CENPV: variants seen among roughly 807,000 people sequenced by gnomAD.
CENPV encodes the protein nuclear protein p30.
In CENPV, 15 loss-of-function variants were observed where a neutral mutation model predicts 26.4. The observed-to-expected ratio is 0.57, with a 90% CI of 0.38 to 0.88. The LOEUF (loss-of-function observed/expected upper bound fraction) is 0.88, where lower values mean the gene tolerates loss of function less well. Ranked by LOEUF, CENPV falls within the 40% of genes least tolerant of loss-of-function variation. The pLI, the probability that CENPV is intolerant of heterozygous loss-of-function variation, is 0.00. For synonymous variants in CENPV, 172 were observed against 165.5 expected (o/e 1.04, Z -0.30); for missense variants, 336 against 376.5 (o/e 0.89, Z 0.89).
intron 3 of CENPV, among the ~76,000 whole-genome samples, chr17:16,347,318 A>G (rs2093211312): frequency 6.6e-6 from 1 of 152,086 alleles, no homozygotes; most frequent in South Asian, 2.1e-4. Context: ...TGTGCTTCCT[A>G]TAGAAATAGC....
Position 16,348,654 on chromosome 17 carries a change from G to C in CENPV, c.541C>G (p.His181Asp). Residue 181 changes from histidine (H) to aspartate (D), a missense_variant, in exon 3 of 5, where the codon CAC (histidine) becomes GAC (aspartate). Physicochemically the swap from His to Asp is moderately conservative, Grantham distance 81. Coordinates refer to ENST00000299736, the MANE Select transcript of CENPV (RefSeq NM_181716.3). ...AAGCGAGAAGCTGGAACAATGAAGT[G>C]TCTATTCTGCTTCTTCTTGCAAATG... is the stretch of plus-strand genomic sequence containing the variant. The part of the protein sequence containing the change: ...CSICKKKQNR[H>D]FIVPASRFKL... 8 of 1,614,118 alleles carry C rather than the reference G, an allele frequency of 5.0e-6. No homozygotes were observed. The highest frequency in any genetic ancestry group is 6.8e-6 in the Non-Finnish European group (8 of 1,179,976).
chr17:16,349,594 C>T, intron 2 of CENPV: 1 of 1,051,782 alleles, frequency 9.5e-7, no homozygotes, highest in Non-Finnish European at 1.1e-6. Context: ...GAAGATTCTG[C>T]CCAAGGCTTT....
Position 16,349,923 on chromosome 17 carries a change from A to G in CENPV, c.509+8T>C. Reference sequence around the variant, plus strand: ...TTTAAGCCAATTTAGGGAAAAAAAAATACTCACTTGCAGTCAAATATATGC... The same window carrying G: ...TTTAAGCCAATTTAGGGAAAAAAAAGTACTCACTTGCAGTCAAATATATGC... On this transcript the variant is annotated splice_region_variant and intron_variant, in intron 2 of 4. Coordinates refer to ENST00000299736, the MANE Select transcript of CENPV (RefSeq NM_181716.3). 2.5e-6 allele frequency: 4 copies of G among 1,603,494 alleles called. No homozygotes were observed. Among genetic ancestry groups the G allele is most frequent in the East Asian group, 2.2e-5 (1 of 44,820 alleles).
At position 16,342,989 on chromosome 17, in the gene CENPV, A is replaced by T. The variant is rs749752838; in HGVS notation, c.695-48T>A. 6 of 1,610,558 alleles carry T rather than the reference A, an allele frequency of 3.7e-6. No homozygotes were observed. In the Admixed American group the frequency reaches 1.0e-4, roughly 27 times the overall value. The stretch of plus-strand genomic sequence containing the variant: ...AAGGGGGATCCTCAGTATGGGTGAG[A>T]CCAGATGGTGTACCGGCTCCTGGAT... On this transcript the variant is annotated intron_variant, in intron 4 of 4. Coordinates refer to ENST00000299736, the MANE Select transcript of CENPV (RefSeq NM_181716.3).
intron 2 of CENPV, chr17:16,349,494 C>G (rs1313353701): frequency 2.0e-6 from 2 of 986,910 alleles, no homozygotes; most frequent in Non-Finnish European, 2.4e-6. Flanking sequence ...AACCGAAGAG[C>G]AGAGCGAGAG....
Position 16,342,581 on chromosome 17 carries a change from A to C in CENPV, c.*236T>G. ...ATTTTTTTTCCTAAAAGATCACACAAAAGTTGGGAAGAGAAGGATGTCAAT... is the reference window on the plus strand; with the variant it reads ...ATTTTTTTTCCTAAAAGATCACACACAAGTTGGGAAGAGAAGGATGTCAAT... On this transcript the variant is annotated 3_prime_UTR_variant, in exon 5 of 5. Coordinates refer to ENST00000299736, the MANE Select transcript of CENPV (RefSeq NM_181716.3). 1.9e-6 allele frequency: 1 copy of C among 531,824 alleles called. No homozygotes were observed. The highest frequency in any genetic ancestry group is 2.9e-5 in the East Asian group (1 of 34,322). 32.9% of individuals were successfully genotyped at this position (531,824 alleles called of 1,614,324 possible). A position where few individuals can be genotyped will look rare whatever the true frequency, so the allele number is the denominator to read the frequency against.
At position 16,348,689 on chromosome 17, in the gene CENPV, C is replaced by T; in HGVS notation, c.510-4G>A. ...CTTCTTCTTGCAAATGCTGCAACTACAGAAAGACAGAGCAAATTCCAGATT... is the reference window on the plus strand; with the variant it reads ...CTTCTTCTTGCAAATGCTGCAACTATAGAAAGACAGAGCAAATTCCAGATT... On this transcript the variant is annotated splice_region_variant and splice_polypyrimidine_tract_variant and intron_variant, in intron 2 of 4. Transcript: ENST00000299736. 3 of 1,613,860 alleles carry T rather than the reference C, an allele frequency of 1.9e-6. No individual in the cohort carries two copies. The highest frequency in any genetic ancestry group is 2.5e-6 in the Non-Finnish European group (3 of 1,179,812).
chr17:16,353,243 C>A lies in CENPV; in HGVS notation c.194G>T (p.Arg65Leu), dbSNP rs765007395. 5.7e-6 allele frequency: 8 copies of A among 1,402,484 alleles called. No homozygotes were observed. In the South Asian group the frequency reaches 1.1e-4, roughly 19 times the overall value. 86.9% of individuals were successfully genotyped at this position (1,402,484 alleles called of 1,614,324 possible). A position where few individuals can be genotyped will look rare whatever the true frequency, so the allele number is the denominator to read the frequency against. The change falls in exon 1 of 5, where the codon CGC becomes CTC. Residue 65 changes from arginine to leucine, a missense_variant. Physicochemically the swap from Arg to Leu is moderately radical, Grantham distance 102. Around this residue, in one of 2 missense-constraint regions of CENPV, gnomAD observed 181 missense variants for 148.8 expected, o/e 1.22. Coordinates refer to ENST00000299736, the MANE Select transcript of CENPV (RefSeq NM_181716.3). ...KPPSEKPRLR[R>L]SSPRAQEEGP... is the part of the protein sequence containing the mutation. The stretch of plus-strand genomic sequence containing the variant: ...CTCCTCCTGGGCCCGCGGCGACGAG[C>A]GCCTCAGCCGCGGCTTCTCCGACGG...
intron 3 of CENPV, chr17:16,348,326 T>G: frequency 2.5e-6 from 1 of 406,558 alleles, no homozygotes; most frequent in Non-Finnish European, 3.8e-6. Flanking sequence ...CCAGCTAATT[T>G]TTGTATTTTT....
At chr17:16,349,528 G>A (rs1450563442) in intron 2 of CENPV, 1 of 990,784 alleles carries the variant, frequency 1.0e-6, no homozygotes, top group Non-Finnish European at 1.2e-6. Flanking sequence ...GAGCCTCCAG[G>A]TGTATACACC....
chr17:16,347,101 T>C (rs551546320), intron 3 of CENPV, among the ~76,000 whole-genome samples: 55 of 152,272 alleles, frequency 3.6e-4, no homozygotes, highest in Non-Finnish European at 7.1e-4. Context: ...TCTGCCTGCC[T>C]TGGCCTTCCA....
intron 3 of CENPV, among the ~76,000 whole-genome samples, chr17:16,346,606 C>A (rs929446273): frequency 1.3e-5 from 2 of 151,980 alleles, no homozygotes; most frequent in Non-Finnish European, 2.9e-5. Flanking sequence ...TAAAAATTAG[C>A]CAGATGTGGT....
chr17:16,348,547 T>G (rs1356680571), intron 3 of CENPV, 69 bp downstream of exon 3: 11 of 1,600,646 alleles, frequency 6.9e-6, no homozygotes, highest in African/African-American at 1.3e-5. Flanking sequence ...ATGCTAACAG[T>G]TGGGTGGGGG....
Sources: allele counts gnomAD v4.1 joint callset (sites outside exome capture counted in the v4.1 genomes callset), GRCh38; gene constraint gnomAD v4.1.1; regional missense constraint gnomAD v4.1.1; transcripts MANE v1.5; gene names NCBI Gene and HGNC (gene_info 2026-07-23, HGNC 2026-07-21).